Variants in SLC12A8 observed in about 807,000 individuals in gnomAD.
SLC12A8 encodes cation-chloride cotransporter 9.
A neutral mutation model predicts 75.6 loss-of-function variants in SLC12A8; 69 were observed. The ratio of observed to expected loss-of-function variants is 0.91; its 90% confidence interval spans 0.75 to 1.11. The LOEUF is 1.11. Among genes scored for constraint, SLC12A8 ranks in the 50% most tolerant of loss-of-function variants. SLC12A8 has a pLI of 0.00. For missense variants in SLC12A8, 877 were observed against 896.7 expected, an observed-to-expected ratio of 0.98 and a Z score of 0.28; for synonymous variants, 365 against 372.8, an observed-to-expected ratio of 0.98 and a Z score of 0.24.
intron 12 of SLC12A8, among the ~76,000 whole-genome samples, chr3:125,088,906 T>A (rs1453433552): frequency 1.3e-5 from 2 of 152,232 alleles, no homozygotes; most frequent in African/African-American, 4.8e-5. Flanking sequence ...GTGACATTGT[T>A]GTTGATTCTA....
At chr3:125,182,098 G>A (rs967829937) in intron 4 of SLC12A8, among the ~76,000 whole-genome samples, 1 of 152,222 alleles carries the variant, frequency 6.6e-6, no homozygotes, top group African/African-American at 2.4e-5. Flanking sequence ...ACCAAAGTGG[G>A]AGGATTGCTT....
Position 125,211,369 on chromosome 3 carries a change from C to T in SLC12A8, c.-20G>A. ...GGTCATTCTCCAGCAAGCAGGGATC[C>T]TGGTGATCTGGACAGGGAGACTGCT... is the stretch of plus-strand genomic sequence containing the variant. On this transcript the variant is annotated 5_prime_UTR_variant, in exon 2 of 14. Transcript: ENST00000469902. The T allele has an allele frequency of 6.2e-7, 1 of 1,611,112 alleles. No individual in the cohort carries two copies. Among genetic ancestry groups the T allele is most frequent in the Non-Finnish European group, 8.5e-7 (1 of 1,177,606 alleles).
At chr3:125,190,340 C>G (rs375461396) in intron 3 of SLC12A8, 35 bp downstream of exon 3, 130 of 1,610,522 alleles carry the variant, frequency 8.1e-5, no homozygotes, top group Non-Finnish European at 1.1e-4. Flanking sequence ...GTCTTGGGCC[C>G]GTGAGAGGCT....
intron 2 of SLC12A8, among the ~76,000 whole-genome samples, chr3:125,194,156 C>G (rs1026985306): frequency 1.3e-5 from 2 of 152,226 alleles, no homozygotes; most frequent in African/African-American, 4.8e-5. Flanking sequence ...GGCAAGAGTC[C>G]TCTCCTCCCT....
chr3:125,101,879 T>A (rs1226367750), intron 10 of SLC12A8, among the ~76,000 whole-genome samples: 1 of 152,254 alleles, frequency 6.6e-6, no homozygotes, highest in Non-Finnish European at 1.5e-5. Flanking sequence ...TCAATTCAAG[T>A]AGGCTTTACT....
intron 12 of SLC12A8, among the ~76,000 whole-genome samples, chr3:125,089,925 C>T (rs2107731122): frequency 6.6e-6 from 1 of 151,814 alleles, no homozygotes; most frequent in South Asian, 2.1e-4. Context: ...CACAATTTTG[C>T]TGTTCCATTT....
intron 5 of SLC12A8, among the ~76,000 whole-genome samples, chr3:125,147,864 C>G (rs893759603): frequency 2.0e-5 from 3 of 152,158 alleles, no homozygotes; most frequent in Admixed American, 1.3e-4. Context: ...TAGAGTATAA[C>G]CCAGGGCCTC....
At chr3:125,133,573 A>C (rs1225874334) in intron 6 of SLC12A8, among the ~76,000 whole-genome samples, 7 of 151,882 alleles carry the variant, frequency 4.6e-5, no homozygotes, top group African/African-American at 1.5e-4. Flanking sequence ...CTACAGGTGC[A>C]TGCCACCACG....
At chr3:125,137,916 C>T (rs961887606) in intron 5 of SLC12A8, among the ~76,000 whole-genome samples, 1 of 150,288 alleles carries the variant, frequency 6.7e-6, no homozygotes, top group Non-Finnish European at 1.5e-5. Flanking sequence ...CGCTGACACA[C>T]GCTCACGCTC....
rs576737415 is a variant in SLC12A8, at chr3:125,205,954, G to A, written c.51+5345C>T. On this transcript the variant is annotated intron_variant, in intron 2 of 13. Coordinates refer to ENST00000469902, the MANE Select transcript of SLC12A8 (RefSeq NM_024628.6). ...CCCCAGTGTCCTCATCTTAAAAAGA[G>A]GGGCTTCAAGAGATATAAATATGCT... Among the ~76,000 whole-genome samples the A allele has an allele frequency of 1.4e-4, 21 of 152,242 alleles. No individual in the cohort carries two copies. The East Asian group carries it at 3.3e-3, about 24-fold the overall frequency.
In SLC12A8 at chr3:125,120,683, A is replaced by C. The variant is rs2107750933; in HGVS notation, c.740T>G (p.Val247Gly). 1.2e-6 allele frequency: 2 copies of C among 1,612,852 alleles called. No individual in the cohort carries two copies. The highest frequency in any genetic ancestry group is 1.7e-6 in the Non-Finnish European group (2 of 1,179,562). Residue 247 changes from valine to glycine, a missense_variant, in exon 7 of 14, where the codon GTC becomes GGC. Physicochemically the swap from Val to Gly is moderately radical, Grantham distance 109. Coordinates refer to ENST00000469902, the MANE Select transcript of SLC12A8 (RefSeq NM_024628.6). ...GCCCCCCATGTTGAAGCCGGCCATG[A>C]CTCCTGAAAGACACCCAGATGGGGA... is the stretch of plus-strand genomic sequence containing the variant. ...FGVFFPAATG[V>G]MAGFNMGGDL...
chr3:125,207,860 A>G (rs11711022), intron 2 of SLC12A8, among the ~76,000 whole-genome samples: 78,179 of 151,856 alleles, frequency 0.51, 21,083 homozygotes, highest in African/African-American at 0.65. Context: ...TCTGTGTGCG[A>G]TCGGCTTCAT....
chr3:125,126,033 A>G (rs1363785082), intron 6 of SLC12A8: 1 of 515,892 alleles, frequency 1.9e-6, no homozygotes, highest in Non-Finnish European at 2.5e-6. Flanking sequence ...TGCTTTACCC[A>G]AAAACATTTT....
intron 4 of SLC12A8, among the ~76,000 whole-genome samples, chr3:125,179,715 GA>G (rs1208587837): frequency 1.9e-5 from 2 of 102,952 alleles, no homozygotes; most frequent in African/African-American, 6.0e-5. Flanking sequence ...GAGAGAGAGA[GA>G]GAGAGAGAGA....
intron 4 of SLC12A8, among the ~76,000 whole-genome samples, chr3:125,181,924 T>C (rs1934672535): frequency 6.6e-6 from 1 of 152,118 alleles, no homozygotes; most frequent in African/African-American, 2.4e-5. Context: ...CAGTGGCTCA[T>C]GCCTGTAATC....
At chr3:125,130,821 G>A (rs1415126390) in intron 6 of SLC12A8, among the ~76,000 whole-genome samples, 2 of 152,190 alleles carry the variant, frequency 1.3e-5, no homozygotes, top group Non-Finnish European at 2.9e-5. Flanking sequence ...TCTTAGGAAA[G>A]CCAGCCGTGG....
At chr3:125,103,164 A>C (rs1938927450) in intron 10 of SLC12A8, among the ~76,000 whole-genome samples, 1 of 152,170 alleles carries the variant, frequency 6.6e-6, no homozygotes, top group Non-Finnish European at 1.5e-5. Flanking sequence ...ATTTGAAGGC[A>C]GGGAATTAAA....
intron 6 of SLC12A8, among the ~76,000 whole-genome samples, chr3:125,123,242 G>A (rs1933106386): frequency 6.6e-6 from 1 of 152,040 alleles, no homozygotes; most frequent in Admixed American, 6.6e-5. Context: ...AGGTGTGGTG[G>A]TGCACACCTA....
Position 125,084,011 on chromosome 3 carries a change from G to T in SLC12A8, c.2024C>A (p.Ser675Tyr). 6.2e-7 allele frequency: 1 copy of T among 1,613,286 alleles called. No individual in the cohort carries two copies. The highest frequency in any genetic ancestry group is 8.5e-7 in the Non-Finnish European group (1 of 1,179,740). Residue 675 changes from serine (S) to tyrosine (Y), a missense_variant, in exon 14 of 14, where the codon TCC becomes TAC. Ser to Tyr is a moderately radical substitution (Grantham distance 144). Transcript: ENST00000469902. ...CATCTCCATGTCAACCTTAGCCAGG[G>T]ACGGCGCCAAGATGATCTGCTCCTG... The part of the protein sequence containing the change: ...SPQEQIILAP[S>Y]LAKVDMEMTQ...
Sources: gnomAD v4.1 joint callset for allele counts (sites outside exome capture counted in the v4.1 genomes callset) on GRCh38, gnomAD v4.1.1 for gene constraint, MANE v1.5 for transcripts, NCBI Gene and HGNC (gene_info 2026-07-23, HGNC 2026-07-21) for gene names.